The following WFDC1 variants were observed in gnomAD, a reference collection of about 807,000 sequenced individuals.
WFDC1 encodes the protein WAP four-disulfide core domain protein 1.
WFDC1 carries 39 observed loss-of-function variants against 32.9 expected under a neutral mutation model. The ratio of observed to expected loss-of-function variants is 1.19; its 90% confidence interval spans 0.92 to 1.55. The LOEUF (loss-of-function observed/expected upper bound fraction) is 1.55. WFDC1 is among the 40% of genes most tolerant of loss of function. The pLI is 0.00. For synonymous variants in WFDC1, 184 were observed against 137.4 expected, an observed-to-expected ratio of 1.34 and a Z score of -2.37; for missense variants, 386 against 309.5, an observed-to-expected ratio of 1.25 and a Z score of -1.85.
At chr16:84,296,979 C>A (rs912710849) in intron 1 of WFDC1, 1 of 152,168 alleles carries the variant, frequency 6.6e-6, no homozygotes, top group African/African-American at 2.4e-5. Flanking sequence ...TCTGGTGCAA[C>A]AGGATGATTT....
At chr16:84,321,532 C>A (rs1164128844) in intron 4 of WFDC1, among the ~76,000 whole-genome samples, 1 of 152,208 alleles carries the variant, frequency 6.6e-6, no homozygotes, top group Non-Finnish European at 1.5e-5. Flanking sequence ...GGGCACTTGT[C>A]TTTTTCATCC....
chr16:84,298,648 C>T lies in WFDC1; in HGVS notation c.144+3533C>T, dbSNP rs550887101. On this transcript the variant is annotated intron_variant, in intron 1 of 6. Transcript: ENST00000219454. ...AGCTGGTGGTTCAGTCCTGACCAAG[C>T]GCAGGGCTGCCTGTAGCCTGCTCTA... 9.2e-5 allele frequency among the ~76,000 whole-genome samples: 14 copies of T among 152,304 alleles called. No individual in the cohort carries two copies. In the East Asian group the frequency reaches 2.7e-3, roughly 29 times the overall value.
rs796650217 is a variant in WFDC1 at position 84,300,409 on chromosome 16, G to A, written c.144+5294G>A. Among the ~76,000 whole-genome samples the A allele has an allele frequency of 4.7e-4, 72 of 152,346 alleles. 1 individual carries two copies. Among genetic ancestry groups the A allele is most frequent in the African/African-American group, 1.6e-3 (68 of 41,582 alleles). On this transcript the variant is annotated intron_variant, in intron 1 of 6. Coordinates refer to ENST00000219454, the MANE Select transcript of WFDC1 (RefSeq NM_021197.4). ...TGCTCATTAACACTCCCTGAAGGGC[G>A]CCTTCCCTTTCCTGCCCAGCTTCCC...
At chr16:84,328,888 G>T (rs1908757912) in intron 6 of WFDC1, 1 of 152,078 alleles carries the variant, frequency 6.6e-6, no homozygotes, top group Non-Finnish European at 1.5e-5. Flanking sequence ...GGGAGGTTAA[G>T]GCTGCAGTGA....
At chr16:84,327,697 T>A (rs1908682395) in intron 6 of WFDC1, 1 of 152,200 alleles carries the variant, frequency 6.6e-6, no homozygotes, top group African/African-American at 2.4e-5. Flanking sequence ...GAATCAAAAA[T>A]CCAAGACCAG....
chr16:84,297,404 G>C (rs1906660198), intron 1 of WFDC1, among the ~76,000 whole-genome samples: 1 of 152,050 alleles, frequency 6.6e-6, no homozygotes, highest in African/African-American at 2.4e-5. Context: ...GATCACCTGA[G>C]GTCAGGAGTT....
intron 1 of WFDC1, chr16:84,297,045 A>C (rs1048344134): frequency 6.6e-6 from 1 of 152,188 alleles, no homozygotes; most frequent in Non-Finnish European, 1.5e-5. Context: ...GAGATTGCCA[A>C]TATGTCATCT....
intron 3 of WFDC1, 63 bp from the exon 4 acceptor site, chr16:84,319,368 C>A (rs1908157686): frequency 6.3e-7 from 1 of 1,583,976 alleles, no homozygotes; most frequent in African/African-American, 1.3e-5. Flanking sequence ...CCTTCTAGAC[C>A]CTAGCATGTG....
intron 3 of WFDC1, 141 bp from the exon 4 acceptor site, chr16:84,319,290 C>A: frequency 8.5e-7 from 1 of 1,170,600 alleles, no homozygotes; most frequent in Non-Finnish European, 1.2e-6. Context: ...TAGCCTGGAA[C>A]CTGGGGTACA....
At chr16:84,326,470 A>G (rs1012636836) in intron 5 of WFDC1, 1 of 178,736 alleles carries the variant, frequency 5.6e-6, no homozygotes, top group African/African-American at 2.3e-5. Context: ...AGCCTTCCTG[A>G]CATCACATGC....
chr16:84,295,238 G>A (rs942293537), intron 1 of WFDC1, 123 bp downstream of exon 1: 33 of 1,302,902 alleles, frequency 2.5e-5, no homozygotes, highest in South Asian at 7.0e-5. Context: ...CAAGGCAGGC[G>A]TCTTCCTATC....
intron 2 of WFDC1, among the ~76,000 whole-genome samples, chr16:84,314,390 C>A (rs1021974920): frequency 1.3e-5 from 2 of 152,152 alleles, no homozygotes; most frequent in African/African-American, 4.8e-5. Flanking sequence ...AAGTCTTCTC[C>A]ACCCTCGGCT....
chr16:84,326,083 A>G (rs1908578929), intron 5 of WFDC1: 1 of 126,744 alleles, frequency 7.9e-6, no homozygotes. Flanking sequence ...CCATATATCC[A>G]TCCGTCCATC....
chr16:84,306,455 A>T (rs1185198638), intron 1 of WFDC1, among the ~76,000 whole-genome samples: 1 of 152,212 alleles, frequency 6.6e-6, no homozygotes, highest in South Asian at 2.1e-4. Context: ...GGAGCAGCGA[A>T]TCCTCAGAAA....
rs770212588 is a variant in WFDC1 at position 84,319,538 on chromosome 16, C to A, written c.529C>A (p.Arg177Ser). Residue 177 changes from arginine to serine, a missense_variant, in exon 4 of 7, where the codon CGT becomes AGT. Physicochemically the swap from Arg to Ser is moderately radical, Grantham distance 110. Coordinates refer to ENST00000219454, the MANE Select transcript of WFDC1 (RefSeq NM_021197.4). Reference protein sequence around the residue: ...PGDVAEGIPNRGQCVKQRRQA... With the variant: ...PGDVAEGIPNSGQCVKQRRQA... ...TGACGTGGCCGAAGGTATCCCCAACCGTGGGCAGTGCGTCAAGCAGCGCCG... is the reference window on the plus strand; with the variant it reads ...TGACGTGGCCGAAGGTATCCCCAACAGTGGGCAGTGCGTCAAGCAGCGCCG... 1.9e-6 allele frequency: 3 copies of A among 1,613,096 alleles called. No individual in the cohort carries two copies. The highest frequency in any genetic ancestry group is 2.2e-5 in the South Asian group (2 of 91,084).
intron 1 of WFDC1, among the ~76,000 whole-genome samples, chr16:84,306,251 C>G (rs1907250023): frequency 6.6e-6 from 1 of 152,170 alleles, no homozygotes; most frequent in Non-Finnish European, 1.5e-5. Flanking sequence ...ACGCGTCAGA[C>G]TCCTACACCT....
intron 2 of WFDC1, among the ~76,000 whole-genome samples, chr16:84,313,759 G>A (rs1008935501): frequency 1.3e-5 from 2 of 152,214 alleles, no homozygotes; most frequent in Non-Finnish European, 2.9e-5. Context: ...CGGGTGCGTG[G>A]CTTCAGATCC....
At chr16:84,299,325 A>G (rs55883740) in intron 1 of WFDC1, among the ~76,000 whole-genome samples, 6,297 of 152,036 alleles carry the variant, frequency 0.041, 386 homozygotes, top group African/African-American at 0.14. Flanking sequence ...AGATCGTGCC[A>G]TTGGATTCCA....
At chr16:84,313,423 G>C (rs1907765740) in intron 2 of WFDC1, among the ~76,000 whole-genome samples, 1 of 152,224 alleles carries the variant, frequency 6.6e-6, no homozygotes, top group Non-Finnish European at 1.5e-5. Context: ...AAATGGGATG[G>C]GGGCAGGGAC....
Sources: allele counts gnomAD v4.1 joint callset (sites outside exome capture counted in the v4.1 genomes callset), GRCh38; gene constraint gnomAD v4.1.1; transcripts MANE v1.5; gene names NCBI Gene and HGNC (gene_info 2026-07-23, HGNC 2026-07-21).